The following ZNF264 variants were observed in gnomAD, a reference collection of about 807,000 sequenced individuals.
The protein encoded by ZNF264 is zinc finger protein 264.
Under a neutral mutation model 11.2 loss-of-function variants are expected in ZNF264, and 11 were observed. The observed-to-expected ratio is 0.98, with a 90% confidence interval of 0.62 to 1.63. ZNF264 has a LOEUF of 1.63. Ranked by LOEUF, ZNF264 falls within the 40% of genes most tolerant of loss-of-function variation. ZNF264 has a pLI of 0.00. For missense variants in ZNF264, 752 were observed against 768.1 expected (o/e 0.98, Z 0.25); for synonymous variants, 309 against 279.8 (o/e 1.10, Z -1.04).
At chr19:57,205,081 T>C (rs1477673576) in intron 2 of ZNF264, among the ~76,000 whole-genome samples, 2 of 152,264 alleles carry the variant, frequency 1.3e-5, no homozygotes, top group Non-Finnish European at 2.9e-5. Context: ...AAACATTGCT[T>C]AGGATGTAAA....
In ZNF264 at chr19:57,191,678, C is replaced by A; in HGVS notation, c.-236C>A. On this transcript the variant is annotated 5_prime_UTR_variant, in exon 1 of 4. Coordinates refer to ENST00000263095, the MANE Select transcript of ZNF264 (RefSeq NM_003417.5). ...TCCTGGGTCGCCGTCAAGCTGCGGT[C>A]TCTCCTCCCCCGCCCTTCAGCCCCG... 2.5e-6 allele frequency: 1 copy of A among 395,516 alleles called. No homozygotes were observed. The highest frequency in any genetic ancestry group is 4.5e-6 in the Non-Finnish European group (1 of 224,086). The allele number at this position is 395,516 out of a possible 1,614,324, so 24.5% of individuals were successfully genotyped here.
Position 57,211,843 on chromosome 19 carries a change from A to G in ZNF264, c.746A>G (p.His249Arg), listed in dbSNP as rs192233694. 3 of 1,614,156 alleles carry G rather than the reference A, an allele frequency of 1.9e-6. No homozygotes were observed. Among genetic ancestry groups the G allele is most frequent in the African/African-American group, 1.3e-5 (1 of 75,028 alleles). Residue 249 changes from histidine (H) to arginine (R), a missense_variant, in exon 4 of 4, where the codon CAT becomes CGT. Transcript: ENST00000263095. Reference sequence around the variant, plus strand: ...ATTAAGAGCACACATCTCCTGCAACATCACATGATCCACACTGGGGAGAGG... The same window carrying G: ...ATTAAGAGCACACATCTCCTGCAACGTCACATGATCCACACTGGGGAGAGG... ...TFIKSTHLLQ[H>R]HMIHTGERPY...
At chr19:57,192,595 G>C in intron 1 of ZNF264, 2 of 983,874 alleles carry the variant, frequency 2.0e-6, no homozygotes, top group Non-Finnish European at 2.4e-6. Context: ...TTCCTTGGGG[G>C]ATCTGGGAGA....
In ZNF264 at chr19:57,212,747, C is replaced by T; in HGVS notation, c.1650C>T (p.Arg550=). The stretch of plus-strand genomic sequence containing the variant: ...GTGAATGTGGAAAGGCCTTCAGTCG[C>T]AGCTCGTCCCTCACTCAGCATCAAA... ...KCSECGKAFS[R]SSSLTQHQRM... The change falls in exon 4 of 4, where the codon CGC becomes CGT. Residue 550 remains arginine (R), a synonymous_variant. Coordinates refer to ENST00000263095, the MANE Select transcript of ZNF264 (RefSeq NM_003417.5). The T allele has an allele frequency of 1.2e-6, 2 of 1,614,172 alleles. No individual in the cohort carries two copies. The highest frequency in any genetic ancestry group is 1.7e-6 in the Non-Finnish European group (2 of 1,179,996).
Position 57,191,736 on chromosome 19 carries a change from C to G in ZNF264, c.-178C>G, listed in dbSNP as rs1203798897. The G allele has an allele frequency of 4.7e-6, 2 of 428,602 alleles. No homozygotes were observed. The highest frequency in any genetic ancestry group is 6.0e-4 in the Middle Eastern group (1 of 1,668). 26.5% of individuals were successfully genotyped at this position (428,602 alleles called of 1,614,324 possible). On this transcript the variant is annotated 5_prime_UTR_variant, in exon 1 of 4. Coordinates refer to ENST00000263095, the MANE Select transcript of ZNF264 (RefSeq NM_003417.5). ...CAGGGGCGGCGCCCTGGGTCTGGAA[C>G]GCGGTTGCCACCGAGGAGGCGGCGG... is the stretch of plus-strand genomic sequence containing the variant.
intron 3 of ZNF264, among the ~76,000 whole-genome samples, chr19:57,210,143 G>T (rs796233274): frequency 7.9e-5 from 12 of 152,240 alleles, no homozygotes; most frequent in African/African-American, 2.9e-4. Context: ...CAGTTTCTTT[G>T]TACTTTCTGT....
chr19:57,196,824 C>T (rs2087215107), intron 2 of ZNF264, among the ~76,000 whole-genome samples: 1 of 151,976 alleles, frequency 6.6e-6, no homozygotes, highest in South Asian at 2.1e-4. Flanking sequence ...TTCCAGTCAT[C>T]CTTCTTCGAA....
In ZNF264 at chr19:57,213,036, T is replaced by C; in HGVS notation, c.*55T>C. ...TCATCTGAAGAGTCATATTAGAAATTCGTTCAGTCTAGAGCCTTATTCTCC... is the reference window on the plus strand; with the variant it reads ...TCATCTGAAGAGTCATATTAGAAATCCGTTCAGTCTAGAGCCTTATTCTCC... On this transcript the variant is annotated 3_prime_UTR_variant, in exon 4 of 4. Transcript: ENST00000263095. 1 of 1,533,876 alleles carries C rather than the reference T, an allele frequency of 6.5e-7. No homozygotes were observed. The highest frequency in any genetic ancestry group is 1.2e-5 in the South Asian group (1 of 80,306).
At position 57,191,748 on chromosome 19, in the gene ZNF264, C is replaced by G. The variant is rs1213138343; in HGVS notation, c.-166C>G. ...CCTGGGTCTGGAACGCGGTTGCCAC[C>G]GAGGAGGCGGCGGCCCTGCGTCTGG... On this transcript the variant is annotated 5_prime_UTR_variant, in exon 1 of 4. Transcript: ENST00000263095. 2.2e-6 allele frequency: 1 copy of G among 456,188 alleles called. No individual in the cohort carries two copies. Among genetic ancestry groups the G allele is most frequent in the Non-Finnish European group, 3.6e-6 (1 of 278,128 alleles). The allele number at this position is 456,188 out of a possible 1,614,324, so 28.3% of individuals were successfully genotyped here. A position where few individuals can be genotyped will look rare whatever the true frequency, so the allele number is the denominator to read the frequency against.
chr19:57,191,614 C>A lies in ZNF264; in HGVS notation c.-300C>A. Reference sequence around the variant, plus strand: ...AGGGGAGTAGGATAGGAATCCCCGCCGCACCTTTGTACGAGCCTGACCCCT... The same window carrying A: ...AGGGGAGTAGGATAGGAATCCCCGCAGCACCTTTGTACGAGCCTGACCCCT... On this transcript the variant is annotated 5_prime_UTR_variant, in exon 1 of 4. Transcript: ENST00000263095. 5.6e-6 allele frequency: 2 copies of A among 359,374 alleles called. No homozygotes were observed. 22.3% of individuals were successfully genotyped at this position (359,374 alleles called of 1,614,324 possible). A position where few individuals can be genotyped will look rare whatever the true frequency, so the allele number is the denominator to read the frequency against.
At position 57,218,153 on chromosome 19, in the gene ZNF264, C is replaced by T. The variant is rs2087393606; in HGVS notation, c.*5172C>T. 6.6e-6 allele frequency: 1 copy of T among 152,128 alleles called. No homozygotes were observed. Among genetic ancestry groups the T allele is most frequent in the African/African-American group, 2.4e-5 (1 of 41,422 alleles). 9.4% of individuals were successfully genotyped at this position (152,128 alleles called of 1,614,324 possible). On this transcript the variant is annotated 3_prime_UTR_variant, in exon 4 of 4. Coordinates refer to ENST00000263095, the MANE Select transcript of ZNF264 (RefSeq NM_003417.5). Reference sequence around the variant, plus strand: ...ACTGAACTTTACTGTAGCCTTTCTTCTAGAGTAACAAATGTTCTTTGTTTT... The same window carrying T: ...ACTGAACTTTACTGTAGCCTTTCTTTTAGAGTAACAAATGTTCTTTGTTTT...
Position 57,193,190 on chromosome 19 carries a change from C to A in ZNF264, c.34-685C>A, listed in dbSNP as rs1453486247. On this transcript the variant is annotated intron_variant, in intron 1 of 3. Transcript: ENST00000263095. ...TAGTAACCCCATGTTTAGATCCTAT[C>A]TATGGTGGTGAGATGTGTGACTGGG... Among the ~76,000 whole-genome samples the A allele has an allele frequency of 2.0e-5, 3 of 152,152 alleles. No individual in the cohort carries two copies. In the South Asian group the frequency reaches 6.2e-4, roughly 32 times the overall value.
rs1466820262 is a variant in ZNF264 at position 57,213,480 on chromosome 19, C to G, written c.*499C>G. 6.5e-6 allele frequency: 1 copy of G among 154,312 alleles called. No homozygotes were observed. Among genetic ancestry groups the G allele is most frequent in the Non-Finnish European group, 1.4e-5 (1 of 69,432 alleles). The allele number at this position is 154,312 out of a possible 1,614,324, so 9.6% of individuals were successfully genotyped here. A position where few individuals can be genotyped will look rare whatever the true frequency, so the allele number is the denominator to read the frequency against. ...GGGGGCTTGAGCCATGAAATACTCACGTTTAAGTCAGTAAGGATACACATG... is the reference window on the plus strand; with the variant it reads ...GGGGGCTTGAGCCATGAAATACTCAGGTTTAAGTCAGTAAGGATACACATG... On this transcript the variant is annotated 3_prime_UTR_variant, in exon 4 of 4. Transcript: ENST00000263095.
In ZNF264 at chr19:57,205,512, C is replaced by T. The variant is rs2087285699; in HGVS notation, c.256+20C>T. 6.3e-7 allele frequency: 1 copy of T among 1,591,942 alleles called. No individual in the cohort carries two copies. The highest frequency in any genetic ancestry group is 1.1e-5 in the South Asian group (1 of 87,634). On this transcript the variant is annotated intron_variant, in intron 3 of 3. Coordinates refer to ENST00000263095, the MANE Select transcript of ZNF264 (RefSeq NM_003417.5). Reference sequence around the variant, plus strand: ...GTCCAGGTAGGAGCCAAGATCTGGGCAGGTTGGAGTCCCTTCTGGCTTAAG... The same window carrying T: ...GTCCAGGTAGGAGCCAAGATCTGGGTAGGTTGGAGTCCCTTCTGGCTTAAG...
At chr19:57,209,872 A>G (rs567166820) in intron 3 of ZNF264, among the ~76,000 whole-genome samples, 24 of 152,158 alleles carry the variant, frequency 1.6e-4, no homozygotes, top group Middle Eastern at 3.4e-3. Context: ...CACTAGGATT[A>G]CAGGCTTTGG....
chr19:57,200,618 GTTTTC>G (rs1210442775), intron 2 of ZNF264, among the ~76,000 whole-genome samples: 5 of 149,660 alleles, frequency 3.3e-5, no homozygotes, highest in East Asian at 3.9e-4. Context: ...CTTTTCTTTC[GTTTTC>G]TTTTCTTTTC....
Position 57,205,464 on chromosome 19 carries a change from G to C in ZNF264, c.228G>C (p.Lys76Asn), listed in dbSNP as rs746939683. ...ATGGGCAGGAGCCATGGACCAGGAA[G>C]GAAGACCTCTCCCAAGACACCTGTC... ...LEHGQEPWTR[K>N]EDLSQDTCPG... is the part of the protein sequence containing the mutation. The change falls in exon 3 of 4, where the codon AAG becomes AAC. Residue 76 changes from lysine to asparagine, a missense_variant. By Grantham distance (94) the Lys-to-Asn change is moderately conservative. Transcript: ENST00000263095. 1 of 1,612,106 alleles carries C rather than the reference G, an allele frequency of 6.2e-7. No homozygotes were observed. Among genetic ancestry groups the C allele is most frequent in the Non-Finnish European group, 8.5e-7 (1 of 1,179,208 alleles).
rs1226634794 is a variant in ZNF264 at position 57,205,434 on chromosome 19, A to G, written c.198A>G (p.Leu66=). The G allele has an allele frequency of 1.2e-6, 2 of 1,612,550 alleles. No individual in the cohort carries two copies. The highest frequency in any genetic ancestry group is 1.7e-6 in the Non-Finnish European group (2 of 1,179,424). Residue 66 remains leucine (L), a synonymous_variant, in exon 3 of 4, where the codon CTA becomes CTG. Transcript: ENST00000263095. ...PVPKAELICH[L]EHGQEPWTRK... ...CCAAAGCTGAGCTGATCTGCCACCT[A>G]GAGCATGGGCAGGAGCCATGGACCA...
intron 2 of ZNF264, among the ~76,000 whole-genome samples, chr19:57,204,205 G>A (rs538673055): frequency 8.6e-4 from 126 of 146,058 alleles, no homozygotes; most frequent in African/African-American, 2.7e-3. Context: ...GCGACAGAGC[G>A]AGACTCCGTC....
Sources: allele counts gnomAD v4.1 joint callset (sites outside exome capture counted in the v4.1 genomes callset), GRCh38; gene constraint gnomAD v4.1.1; transcripts MANE v1.5; gene names NCBI Gene and HGNC (gene_info 2026-07-23, HGNC 2026-07-21).